TRPM3: variants seen among roughly 807,000 people sequenced by gnomAD.
TRPM3 encodes transient receptor potential cation channel subfamily M member 3.
In TRPM3, 77 loss-of-function variants were observed where a neutral mutation model predicts 181.2. That is an observed-to-expected ratio of 0.42 (90% CI 0.35 to 0.51). TRPM3 has a LOEUF of 0.51. Among genes scored for constraint, TRPM3 ranks in the 20% least tolerant of loss-of-function variants. TRPM3 has a pLI of 0.01. For missense variants in TRPM3, 1,759 were observed against 2,196.7 expected (o/e 0.80, Z 3.98); for synonymous variants, 745 against 796.4 (o/e 0.94, Z 1.09).
chr9:70,545,330 G>C (rs969058991), intron 25 of TRPM3, among the ~76,000 whole-genome samples: 1 of 152,162 alleles, frequency 6.6e-6, no homozygotes, highest in Non-Finnish European at 1.5e-5. Context: ...ACAGGGAATT[G>C]AGTTTAACTT....
In TRPM3 at chr9:70,904,167, G is replaced by T. The variant is rs560273983; in HGVS notation, c.178-39656C>A. Among the ~76,000 whole-genome samples, 7 of 152,244 alleles carry T rather than the reference G, an allele frequency of 4.6e-5. No individual in the cohort carries two copies. The South Asian group carries it at 1.5e-3, about 32-fold the overall frequency. ...AGTCCCCGGAGGTCAAGGCTGCAGT[G>T]AGCCCTGACTGTGTCATTGACCTCC... On this transcript the variant is annotated intron_variant, in intron 1 of 25. Transcript: ENST00000677713.
intron 1 of TRPM3, among the ~76,000 whole-genome samples, chr9:71,188,456 T>C (rs1003817833): frequency 4.6e-5 from 7 of 151,952 alleles, no homozygotes; most frequent in Non-Finnish European, 8.8e-5. Flanking sequence ...CAATTTTATA[T>C]TTCCCCTTCT....
intron 21 of TRPM3, 128 bp downstream of exon 21, chr9:70,598,291 A>G: frequency 7.8e-7 from 1 of 1,277,496 alleles, no homozygotes; most frequent in Non-Finnish European, 1.1e-6. Context: ...GAATTCATAA[A>G]ATAAAACACC....
At chr9:70,780,171 G>A (rs1463794626) in intron 7 of TRPM3, among the ~76,000 whole-genome samples, 1 of 152,112 alleles carries the variant, frequency 6.6e-6, no homozygotes, top group Non-Finnish European at 1.5e-5. Flanking sequence ...AGGTTAAAAT[G>A]TAAGGCTTTT....
At chr9:71,247,748 G>T (rs992284350) in intron 1 of TRPM3, among the ~76,000 whole-genome samples, 1 of 152,166 alleles carries the variant, frequency 6.6e-6, no homozygotes, top group African/African-American at 2.4e-5. Context: ...TGGAATACCA[G>T]ATCAGACTCC....
intron 1 of TRPM3, among the ~76,000 whole-genome samples, chr9:71,185,928 T>C (rs1051392661): frequency 2.6e-5 from 4 of 152,112 alleles, no homozygotes; most frequent in African/African-American, 9.7e-5. Flanking sequence ...CAGAAATGTA[T>C]TGTCTCACAA....
At chr9:71,064,734 C>A (rs1377558459) in intron 1 of TRPM3, among the ~76,000 whole-genome samples, 1 of 152,106 alleles carries the variant, frequency 6.6e-6, no homozygotes, top group Non-Finnish European at 1.5e-5. Flanking sequence ...CATTTTAAAA[C>A]CCTACAATGA....
intron 1 of TRPM3, among the ~76,000 whole-genome samples, chr9:70,955,221 T>C (rs2097054906): frequency 6.6e-6 from 1 of 152,204 alleles, no homozygotes; most frequent in African/African-American, 2.4e-5. Context: ...TTTCCTGTGA[T>C]ACTCCTCTGC....
chr9:70,953,468 T>C lies in TRPM3; in HGVS notation c.178-88957A>G, dbSNP rs76127807. ...ACATCATTTTCTGAAAAATGTGACA[T>C]TGTCTTGCGTTTTTAAATGTCTCCT... On this transcript the variant is annotated intron_variant, in intron 1 of 25. Transcript: ENST00000677713. Among the ~76,000 whole-genome samples, 583 of 152,258 alleles carry C rather than the reference T, an allele frequency of 3.8e-3. 4 individuals are homozygous for C. Among genetic ancestry groups the C allele is most frequent in the African/African-American group, 0.013 (535 of 41,560 alleles).
intron 1 of TRPM3, among the ~76,000 whole-genome samples, chr9:70,929,400 C>T (rs1391067407): frequency 6.6e-6 from 1 of 152,072 alleles, no homozygotes; most frequent in Non-Finnish European, 1.5e-5. Flanking sequence ...CGGAGTTTCA[C>T]CATGTTGGCC....
intron 8 of TRPM3, among the ~76,000 whole-genome samples, chr9:70,700,035 T>A (rs1156249598): frequency 1.3e-5 from 2 of 152,012 alleles, no homozygotes; most frequent in Admixed American, 1.3e-4. Context: ...CAGGCTGGAG[T>A]GTAATGGTGT....
At chr9:70,593,114 C>T (rs1227552270) in intron 21 of TRPM3, among the ~76,000 whole-genome samples, 1 of 152,166 alleles carries the variant, frequency 6.6e-6, no homozygotes, top group East Asian at 1.9e-4. Context: ...GGGGTCTAAT[C>T]AATTTTCAAG....
intron 1 of TRPM3, among the ~76,000 whole-genome samples, chr9:71,215,761 A>G (rs1198506919): frequency 6.6e-6 from 1 of 152,170 alleles, no homozygotes; most frequent in Non-Finnish European, 1.5e-5. Flanking sequence ...TAATTGTGTA[A>G]GGCACTTGCT....
intron 1 of TRPM3, among the ~76,000 whole-genome samples, chr9:70,923,783 T>C (rs1359747441): frequency 7.9e-6 from 1 of 125,788 alleles, no homozygotes; most frequent in African/African-American, 3.1e-5. Flanking sequence ...GCAACACAAA[T>C]AACACACACA....
At chr9:71,207,048 T>C (rs1461093664) in intron 1 of TRPM3, among the ~76,000 whole-genome samples, 1 of 152,110 alleles carries the variant, frequency 6.6e-6, no homozygotes, top group African/African-American at 2.4e-5. Context: ...GCTTCCAGTA[T>C]AAAATAAAGT....
At chr9:71,081,505 C>T (rs983259561) in intron 1 of TRPM3, among the ~76,000 whole-genome samples, 1 of 152,096 alleles carries the variant, frequency 6.6e-6, no homozygotes, top group Non-Finnish European at 1.5e-5. Flanking sequence ...TATAAAGGCT[C>T]AAACAAGGGA....
intron 1 of TRPM3, among the ~76,000 whole-genome samples, chr9:71,351,980 A>G (rs1219994653): frequency 6.8e-6 from 1 of 147,968 alleles, no homozygotes; most frequent in Non-Finnish European, 1.5e-5. Flanking sequence ...GGTTCACACC[A>G]TTCTCCTGCC....
In TRPM3 at chr9:71,072,267, T is replaced by C. The variant is rs936663859; in HGVS notation, c.177+48911A>G. Among the ~76,000 whole-genome samples the C allele has an allele frequency of 8.5e-5, 13 of 152,294 alleles. 1 individual carries two copies. The highest frequency in any genetic ancestry group is 3.1e-4 in the African/African-American group (13 of 41,562). ...TCAGCATCAAGGCCACAGTTTGCTTTTAGGGTGGTCATGAATTAATTTTTT... is the reference window on the plus strand; with the variant it reads ...TCAGCATCAAGGCCACAGTTTGCTTCTAGGGTGGTCATGAATTAATTTTTT... On this transcript the variant is annotated intron_variant, in intron 1 of 25. Transcript: ENST00000677713.
intron 1 of TRPM3, among the ~76,000 whole-genome samples, chr9:70,976,946 T>A (rs1478809533): frequency 6.6e-6 from 1 of 152,170 alleles, no homozygotes; most frequent in Non-Finnish European, 1.5e-5. Context: ...CTCCATTTCC[T>A]CATTTGTGAA....
Sources: allele counts gnomAD v4.1 joint callset (sites outside exome capture counted in the v4.1 genomes callset), GRCh38; gene constraint gnomAD v4.1.1; transcripts MANE v1.5; gene names NCBI Gene and HGNC (gene_info 2026-07-23, HGNC 2026-07-21).